Variants in SGCZ observed in about 807,000 individuals in gnomAD.
SGCZ encodes zeta-sarcoglycan.
In SGCZ, 40 loss-of-function variants were observed where a neutral mutation model predicts 41.3. That is an observed-to-expected ratio of 0.97 (90% CI 0.75 to 1.26). SGCZ has a LOEUF of 1.26. Ranked by LOEUF, SGCZ falls within the 50% of genes most tolerant of loss-of-function variation. The pLI, the probability that SGCZ is intolerant of heterozygous loss-of-function variation, is 0.00. For synonymous variants in SGCZ, 206 were observed against 137.5 expected (o/e 1.50, Z -3.49); for missense variants, 552 against 369.8 (o/e 1.49, Z -4.04).
At chr8:14,318,268 A>T (rs1030742331) in intron 3 of SGCZ, among the ~76,000 whole-genome samples, 5 of 151,906 alleles carry the variant, frequency 3.3e-5, no homozygotes, top group African/African-American at 9.7e-5. Context: ...AGGAAGAGAT[A>T]GAGGAAGAAA....
At chr8:14,264,850 C>A (rs996502672) in intron 3 of SGCZ, among the ~76,000 whole-genome samples, 2 of 152,088 alleles carry the variant, frequency 1.3e-5, no homozygotes, top group Non-Finnish European at 2.9e-5. Context: ...GTAGTCCCAG[C>A]TACTCGGGAG....
rs138472932 is a variant in SGCZ, at chr8:15,038,773, C to T, written c.39+198812G>A. 9.4e-4 allele frequency among the ~76,000 whole-genome samples: 129 copies of T among 137,596 alleles called. 1 individual carries two copies. Among genetic ancestry groups the T allele is most frequent in the African/African-American group, 3.4e-3 (125 of 36,570 alleles). 90.3% of individuals were successfully genotyped at this position (137,596 alleles called of 152,430 possible). A position where few individuals can be genotyped will look rare whatever the true frequency, so the allele number is the denominator to read the frequency against. ...AAGCAATGCTTAAGCAAGAAAATAA[C>T]CTGATTAGAGAATGGGCAAAGGACC... On this transcript the variant is annotated intron_variant, in intron 1 of 7. Transcript: ENST00000382080.
At chr8:14,571,742 G>A (rs1454825347) in intron 1 of SGCZ, among the ~76,000 whole-genome samples, 1 of 152,002 alleles carries the variant, frequency 6.6e-6, no homozygotes, top group African/African-American at 2.4e-5. Flanking sequence ...CATTTAACTG[G>A]TTTAAAATTA....
chr8:15,225,136 A>T (rs1345009812), intron 1 of SGCZ, among the ~76,000 whole-genome samples: 1 of 152,158 alleles, frequency 6.6e-6, no homozygotes, highest in African/African-American at 2.4e-5. Flanking sequence ...AAACATACAC[A>T]CTCTTTTCAA....
At chr8:14,740,708 A>G (rs10503514) in intron 1 of SGCZ, among the ~76,000 whole-genome samples, 4,036 of 152,110 alleles carry the variant, frequency 0.027, 73 homozygotes, top group South Asian at 0.065. Context: ...CATATTTCAG[A>G]TCACAAAGGG....
intron 1 of SGCZ, among the ~76,000 whole-genome samples, chr8:14,823,642 T>C (rs1306925312): frequency 6.6e-6 from 1 of 152,188 alleles, no homozygotes; most frequent in Admixed American, 6.5e-5. Flanking sequence ...TGTAAACTAG[T>C]ACATGCATTA....
rs1276955579 is a variant in SGCZ at position 14,102,486 on chromosome 8, T to G, written c.634A>C (p.Thr212Pro). Reference protein sequence around the residue: ...PSQDLRLESPTRSLIMEAPRG... With the variant: ...PSQDLRLESPPRSLIMEAPRG... ...GGAGCTTCCATGATCAAGGATCTGG[T>G]GGGTGATTCAAGCCTAAGGGAAAAA... is the stretch of plus-strand genomic sequence containing the variant. The change falls in exon 7 of 8, where the codon ACC (threonine) becomes CCC (proline). Residue 212 changes from threonine (T) to proline (P), a missense_variant. By Grantham distance (38) the Thr-to-Pro change is conservative (BLOSUM62 -1). Transcript: ENST00000382080. 25 of 1,450,782 alleles carry G rather than the reference T, an allele frequency of 1.7e-5. No individual in the cohort carries two copies. The highest frequency in any genetic ancestry group is 2.3e-5 in the Non-Finnish European group (25 of 1,084,724). 89.9% of individuals were successfully genotyped at this position (1,450,782 alleles called of 1,614,324 possible). A position where few individuals can be genotyped will look rare whatever the true frequency, so the allele number is the denominator to read the frequency against.
intron 4 of SGCZ, among the ~76,000 whole-genome samples, chr8:14,221,876 G>A (rs62492335): frequency 1.3e-5 from 2 of 151,590 alleles, no homozygotes; most frequent in African/African-American, 4.8e-5. Context: ...CAGGAAAATC[G>A]CTTGAACCCG....
At chr8:14,848,537 T>A (rs550179729) in intron 1 of SGCZ, among the ~76,000 whole-genome samples, 4 of 152,142 alleles carry the variant, frequency 2.6e-5, no homozygotes, top group Non-Finnish European at 5.9e-5. Context: ...ATAGACAGAT[T>A]AGATATAGAC....
At chr8:14,995,244 G>T (rs1802174591) in intron 1 of SGCZ, among the ~76,000 whole-genome samples, 1 of 152,250 alleles carries the variant, frequency 6.6e-6, no homozygotes, top group Non-Finnish European at 1.5e-5. Context: ...GCTCTGTGCA[G>T]GATGGATTAG....
At chr8:15,004,370 G>A (rs1157333419) in intron 1 of SGCZ, among the ~76,000 whole-genome samples, 2 of 152,112 alleles carry the variant, frequency 1.3e-5, no homozygotes, top group Non-Finnish European at 2.9e-5. Flanking sequence ...GCAAGCCTAG[G>A]GTGGATACTA....
At chr8:15,088,497 A>G (rs533654689) in intron 1 of SGCZ, among the ~76,000 whole-genome samples, 2 of 152,226 alleles carry the variant, frequency 1.3e-5, no homozygotes, top group Non-Finnish European at 2.9e-5. Context: ...GCACAACTGC[A>G]ATACATGTAC....
chr8:14,612,752 T>G (rs752695007), intron 1 of SGCZ, among the ~76,000 whole-genome samples: 11 of 152,182 alleles, frequency 7.2e-5, no homozygotes, highest in Non-Finnish European at 1.5e-4. Context: ...AGTGGCAGGA[T>G]CTCTGCTCAT....
chr8:15,033,547 G>T (rs150226253), intron 1 of SGCZ, among the ~76,000 whole-genome samples: 44 of 152,192 alleles, frequency 2.9e-4, no homozygotes, highest in African/African-American at 1.0e-3. Flanking sequence ...AGAGAATGAA[G>T]TTCCAGACAA....
chr8:14,449,425 G>T (rs1800527308), intron 2 of SGCZ, among the ~76,000 whole-genome samples: 1 of 152,108 alleles, frequency 6.6e-6, no homozygotes, highest in Non-Finnish European at 1.5e-5. Flanking sequence ...GACTGATTTT[G>T]GGGTGGGATG....
At chr8:14,420,123 C>T (rs549120654) in intron 2 of SGCZ, among the ~76,000 whole-genome samples, 3 of 152,032 alleles carry the variant, frequency 2.0e-5, no homozygotes, top group Non-Finnish European at 4.4e-5. Context: ...TGTTAAACTG[C>T]ATTGAAGGGC....
chr8:14,819,432 T>C (rs1802005940), intron 1 of SGCZ, among the ~76,000 whole-genome samples: 1 of 152,168 alleles, frequency 6.6e-6, no homozygotes, highest in African/African-American at 2.4e-5. Context: ...CCTGCAAAAT[T>C]GGCCTTATAG....
intron 1 of SGCZ, among the ~76,000 whole-genome samples, chr8:14,683,657 C>T (rs186988958): frequency 2.5e-3 from 379 of 152,166 alleles, no homozygotes; most frequent in Non-Finnish European, 4.6e-3. Context: ...ATTAATTTTA[C>T]ATCAAATATA....
intron 4 of SGCZ, among the ~76,000 whole-genome samples, chr8:14,201,335 G>A (rs1011649864): frequency 3.9e-5 from 6 of 152,028 alleles, no homozygotes; most frequent in Non-Finnish European, 8.8e-5. Context: ...GCTTCTAGTG[G>A]CTTTATATCA....
Sources: gnomAD v4.1 joint callset for allele counts (sites outside exome capture counted in the v4.1 genomes callset) on GRCh38, gnomAD v4.1.1 for gene constraint, MANE v1.5 for transcripts, NCBI Gene and HGNC (gene_info 2026-07-23, HGNC 2026-07-21) for gene names.